Variants in SDC1 observed in about 807,000 individuals in gnomAD.
SDC1 encodes the protein syndecan 1.
Under a neutral mutation model 29.7 loss-of-function variants are expected in SDC1, and 14 were observed. That is an observed-to-expected ratio of 0.47 (90% CI 0.31 to 0.74). The LOEUF (loss-of-function observed/expected upper bound fraction) is 0.74. Among genes scored for constraint, SDC1 ranks in the 30% least tolerant of loss-of-function variants. The pLI is 0.05. For missense variants in SDC1, 406 were observed against 400.3 expected, an observed-to-expected ratio of 1.01 and a Z score of -0.12; for synonymous variants, 204 against 175.5, an observed-to-expected ratio of 1.16 and a Z score of -1.29.
intron 1 of SDC1, among the ~76,000 whole-genome samples, chr2:20,213,395 A>G (rs997474566): frequency 6.6e-6 from 1 of 152,222 alleles, no homozygotes; most frequent in Non-Finnish European, 1.5e-5. Flanking sequence ...CGAGAGCCAA[A>G]CAAGGGATCT....
At chr2:20,209,184 G>A (rs938204295) in intron 1 of SDC1, among the ~76,000 whole-genome samples, 38 of 152,248 alleles carry the variant, frequency 2.5e-4, no homozygotes, top group South Asian at 8.3e-4. Flanking sequence ...GAAGGAGTGC[G>A]GCCTTCTCTA....
intron 1 of SDC1, chr2:20,207,859 T>G: frequency 1.2e-6 from 1 of 802,094 alleles, no homozygotes; most frequent in Non-Finnish European, 1.5e-6. Context: ...CCTCAACCTG[T>G]CTCCTTCATC....
chr2:20,204,762 G>A (rs1476853702), intron 2 of SDC1, among the ~76,000 whole-genome samples: 1 of 152,084 alleles, frequency 6.6e-6, no homozygotes, highest in Non-Finnish European at 1.5e-5. Context: ...GATGACCTCA[G>A]CCTCCTTCCT....
rs567743171 is a variant in SDC1, at chr2:20,200,918, G to A, written c.*1848C>T. Reference sequence around the variant, plus strand: ...AGCCGACCCCTTTCCCCACCCCCGAGTCATGTGCAGTCATACACTCCAGGC... The same window carrying A: ...AGCCGACCCCTTTCCCCACCCCCGAATCATGTGCAGTCATACACTCCAGGC... On this transcript the variant is annotated 3_prime_UTR_variant, in exon 5 of 5. Coordinates refer to ENST00000254351, the MANE Select transcript of SDC1 (RefSeq NM_002997.5). 4 of 152,412 alleles carry A rather than the reference G, an allele frequency of 2.6e-5. No individual in the cohort carries two copies. Among genetic ancestry groups the A allele is most frequent in the Non-Finnish European group, 2.9e-5 (2 of 68,090 alleles). The allele number at this position is 152,412 out of a possible 1,614,324, so 9.4% of individuals were successfully genotyped here. A position where few individuals can be genotyped will look rare whatever the true frequency, so the allele number is the denominator to read the frequency against.
intron 1 of SDC1, among the ~76,000 whole-genome samples, chr2:20,212,883 G>C (rs937283733): frequency 1.3e-5 from 2 of 152,170 alleles, no homozygotes; most frequent in Non-Finnish European, 2.9e-5. Context: ...TCCAGGGCAG[G>C]GCCAGGGTGG....
chr2:20,210,326 G>A (rs1677423721), intron 1 of SDC1, among the ~76,000 whole-genome samples: 1 of 152,158 alleles, frequency 6.6e-6, no homozygotes, highest in Non-Finnish European at 1.5e-5. Flanking sequence ...AAAGAGGGAA[G>A]AAACAGTCTG....
intron 1 of SDC1, among the ~76,000 whole-genome samples, chr2:20,219,480 C>T (rs1324883718): frequency 6.6e-6 from 1 of 152,218 alleles, no homozygotes; most frequent in Non-Finnish European, 1.5e-5. Context: ...CTTGCCTCTG[C>T]GGCCTCACCT....
intron 3 of SDC1, 31 bp from the exon 4 acceptor site, chr2:20,203,253 C>T (rs368979409): frequency 1.6e-5 from 26 of 1,577,262 alleles, no homozygotes; most frequent in Non-Finnish European, 2.3e-5. Context: ...ATTGGGTTGG[C>T]CAGGTCACCG....
chr2:20,210,217 T>C (rs1677421289), intron 1 of SDC1, among the ~76,000 whole-genome samples: 1 of 152,168 alleles, frequency 6.6e-6, no homozygotes, highest in South Asian at 2.1e-4. Context: ...GGTGTGCACC[T>C]GTACTCCCAG....
chr2:20,220,034 G>A (rs1419641434), intron 1 of SDC1, among the ~76,000 whole-genome samples: 2 of 152,186 alleles, frequency 1.3e-5, no homozygotes, highest in African/African-American at 2.4e-5. Flanking sequence ...GCCTGAGGGC[G>A]CCATCCAAAC....
Position 20,224,727 on chromosome 2 carries a change from T to C in SDC1, c.66+75A>G. On this transcript the variant is annotated intron_variant, in intron 1 of 4. Coordinates refer to ENST00000254351, the MANE Select transcript of SDC1 (RefSeq NM_002997.5). The surrounding 1 kb of genome is among the most constrained non-coding windows in gnomAD (Gnocchi z 4.9). ...TCTTCGCTCCCCCTCCCCCTCCACG[T>C]GCACCCGCCGGCATCCGCGGGTGAC... 8.1e-7 allele frequency: 1 copy of C among 1,236,332 alleles called. No individual in the cohort carries two copies. The highest frequency in any genetic ancestry group is 1.0e-6 in the Non-Finnish European group (1 of 985,630). The allele number at this position is 1,236,332 out of a possible 1,614,324, so 76.6% of individuals were successfully genotyped here. A position where few individuals can be genotyped will look rare whatever the true frequency, so the allele number is the denominator to read the frequency against.
chr2:20,218,701 A>T (rs760628489), intron 1 of SDC1, among the ~76,000 whole-genome samples: 2 of 151,872 alleles, frequency 1.3e-5, no homozygotes, highest in Non-Finnish European at 2.9e-5. Context: ...ACACAAACAC[A>T]AAGAGACAGA....
intron 1 of SDC1, among the ~76,000 whole-genome samples, chr2:20,210,160 G>C (rs1677419152): frequency 6.6e-6 from 1 of 152,242 alleles, no homozygotes. Context: ...TGGCCAACAT[G>C]GTGAAACCCC....
At chr2:20,225,155 G>A (rs992719693), upstream of SDC1, 38 of 237,390 alleles carry the variant, frequency 1.6e-4, no homozygotes, top group African/African-American at 8.7e-4. Flanking sequence ...AGCTCCGCCA[G>A]GTCTCCCGGC....
intron 2 of SDC1, 86 bp downstream of exon 2, chr2:20,205,257 A>C (rs1677221434): frequency 1.9e-6 from 2 of 1,030,382 alleles, no homozygotes. Context: ...GTACATGCTC[A>C]GTAAACACAG....
intron 1 of SDC1, among the ~76,000 whole-genome samples, chr2:20,222,303 C>T (rs1053368124): frequency 6.6e-6 from 1 of 152,180 alleles, no homozygotes; most frequent in African/African-American, 2.4e-5. Context: ...CAGATCTCTG[C>T]CACTTGCAAA....
upstream of SDC1, chr2:20,225,232 C>G (rs1403966475): frequency 1.7e-5 from 3 of 172,514 alleles, no homozygotes; most frequent in Non-Finnish European, 2.4e-5. Flanking sequence ...TCGGAACGCC[C>G]CACCCCCGGC....
Position 20,202,189 on chromosome 2 carries a change from T to A in SDC1, c.*577A>T. 1 of 716,916 alleles carries A rather than the reference T, an allele frequency of 1.4e-6. No individual in the cohort carries two copies. Among genetic ancestry groups the A allele is most frequent in the Non-Finnish European group, 2.6e-6 (1 of 386,756 alleles). 44.4% of individuals were successfully genotyped at this position (716,916 alleles called of 1,614,324 possible). On this transcript the variant is annotated 3_prime_UTR_variant, in exon 5 of 5. Transcript: ENST00000254351. ...ATGGGGGGATACCGAATCAACTTAC[T>A]TAACTTACCTCAGAAGTAACAAGGT...
rs759242322 is a variant in SDC1 at position 20,203,065 on chromosome 2, AC to A, written c.763+21del. Reference sequence around the variant, plus strand: ...CCACAGCAGCAATTCACCCCAAACTACCCCCCTGAAAGAAAACTCACCTCCC... The same window carrying A: ...CCACAGCAGCAATTCACCCCAAACTACCCCCTGAAAGAAAACTCACCTCCC... On this transcript the variant is annotated intron_variant, in intron 4 of 4. Transcript: ENST00000254351. 16 of 1,578,664 alleles carry A rather than the reference AC, an allele frequency of 1.0e-5. No homozygotes were observed. The Admixed American group carries it at 1.2e-4, about 12-fold the overall frequency.
Sources: gnomAD v4.1 joint callset for allele counts (sites outside exome capture counted in the v4.1 genomes callset) on GRCh38, gnomAD v4.1.1 for gene constraint, Gnocchi (gnomAD v3.1) non-coding constraint, MANE v1.5 for transcripts, NCBI Gene and HGNC (gene_info 2026-07-23, HGNC 2026-07-21) for gene names.